The following MCM9 variants were observed in gnomAD, a reference collection of about 807,000 sequenced individuals.
MCM9 encodes the protein minichromosome maintenance 9 homologous recombination repair factor, also known as DNA helicase MCM9.
MCM9 carries 55 observed loss-of-function variants against 72.8 expected under a neutral mutation model. The observed-to-expected ratio is 0.76, with a 90% CI of 0.61 to 0.95. The LOEUF (loss-of-function observed/expected upper bound fraction) is 0.95. MCM9 is among the 40% of genes least tolerant of loss of function. MCM9 has a pLI of 0.00. For missense variants in MCM9, 1,279 were observed against 1,377.0 expected (o/e 0.93, Z 1.13); for synonymous variants, 480 against 503.4 (o/e 0.95, Z 0.62).
chr6:118,837,687 C>T (rs984270848), intron 9 of MCM9, among the ~76,000 whole-genome samples: 2 of 151,802 alleles, frequency 1.3e-5, no homozygotes, highest in African/African-American at 4.8e-5. Context: ...GTAACCCCTG[C>T]TTTTTTTTGC....
At chr6:118,884,238 A>G (rs1778462157) in intron 8 of MCM9, among the ~76,000 whole-genome samples, 1 of 152,210 alleles carries the variant, frequency 6.6e-6, no homozygotes, top group South Asian at 2.1e-4. Context: ...CAATAATTAT[A>G]CCAATGTATT....
intron 8 of MCM9, among the ~76,000 whole-genome samples, chr6:118,900,125 G>A (rs943167934): frequency 3.5e-4 from 53 of 152,308 alleles, no homozygotes; most frequent in African/African-American, 1.3e-3. Context: ...GTGGTGTAAA[G>A]ATCTTGGTTT....
intron 3 of MCM9, among the ~76,000 whole-genome samples, chr6:118,925,320 C>T (rs1475285633): frequency 6.6e-6 from 1 of 152,134 alleles, no homozygotes; most frequent in Non-Finnish European, 1.5e-5. Flanking sequence ...CTACTGAAGG[C>T]CCATCCATCA....
intron 5 of MCM9, chr6:118,918,133 G>C (rs1389387119): frequency 5.0e-6 from 1 of 199,632 alleles, no homozygotes; most frequent in East Asian, 1.3e-4. Context: ...CTCATTTAGA[G>C]AAGAGATGTG....
intron 8 of MCM9, among the ~76,000 whole-genome samples, chr6:118,906,045 T>C (rs191653059): frequency 7.9e-4 from 121 of 152,332 alleles, no homozygotes; most frequent in Middle Eastern, 3.4e-3. Context: ...GGCAGACACC[T>C]TGAGCATTTC....
intron 8 of MCM9, among the ~76,000 whole-genome samples, chr6:118,899,592 G>C (rs1268933617): frequency 6.6e-6 from 1 of 152,158 alleles, no homozygotes; most frequent in Non-Finnish European, 1.5e-5. Flanking sequence ...TTTAGTTCTA[G>C]GACAGAGCCA....
rs144849604 is a variant in MCM9, at chr6:118,923,919, C to A, written c.513G>T (p.Ser171=). 6.3e-5 allele frequency: 102 copies of A among 1,614,070 alleles called. No individual in the cohort carries two copies. The highest frequency in any genetic ancestry group is 7.8e-5 in the Non-Finnish European group (92 of 1,180,038). ...EQYYTFCRPS[S]CPSLESCDSS... Reference sequence around the variant, plus strand: ...AATCACAGCTCTCCAAGCTGGGACACGAGGATGGCCGGCAAAAGGTGTAAT... The same window carrying A: ...AATCACAGCTCTCCAAGCTGGGACAAGAGGATGGCCGGCAAAAGGTGTAAT... The change falls in exon 4 of 14, where the codon TCG becomes TCT. Residue 171 remains serine, a synonymous_variant. Transcript: ENST00000619706.
At position 118,900,932 on chromosome 6, in the gene MCM9, T is replaced by C. The variant is rs878895337; in HGVS notation, c.1150+10718A>G. The C allele has an allele frequency of 5.1e-5, 63 of 1,230,156 alleles. No individual in the cohort carries two copies. The East Asian group carries it at 7.9e-4, about 15-fold the overall frequency. The allele number at this position is 1,230,156 out of a possible 1,614,324, so 76.2% of individuals were successfully genotyped here. On this transcript the variant is annotated intron_variant, in intron 8 of 13. Transcript: ENST00000619706. ...ATGCCAAATATGTTTCGAAGTAGAC[T>C]ATATTATCTATTATCTTATAACCCT...
At chr6:118,831,577 A>T (rs1774566043) in intron 9 of MCM9, among the ~76,000 whole-genome samples, 1 of 151,942 alleles carries the variant, frequency 6.6e-6, no homozygotes, top group South Asian at 2.1e-4. Flanking sequence ...AGTGGGGAAG[A>T]CCATATGTAA....
intron 8 of MCM9, among the ~76,000 whole-genome samples, chr6:118,857,187 G>A (rs1264093380): frequency 6.6e-6 from 1 of 152,194 alleles, no homozygotes; most frequent in Non-Finnish European, 1.5e-5. Context: ...ATGACAGAGG[G>A]TGTGTACTAT....
intron 13 of MCM9, among the ~76,000 whole-genome samples, chr6:118,822,538 C>T (rs975837346): frequency 6.6e-6 from 1 of 152,190 alleles, no homozygotes; most frequent in African/African-American, 2.4e-5. Flanking sequence ...AGCTCTCCTA[C>T]ATGAAGTGTC....
chr6:118,888,552 C>T (rs1403265043), intron 8 of MCM9, among the ~76,000 whole-genome samples: 2 of 152,088 alleles, frequency 1.3e-5, no homozygotes, highest in Non-Finnish European at 2.9e-5. Flanking sequence ...CAATATCTTA[C>T]CCAGCAATTC....
Position 118,922,139 on chromosome 6 carries a change from T to C in MCM9, c.622-53A>G, listed in dbSNP as rs974698656. 6.6e-6 allele frequency: 9 copies of C among 1,361,766 alleles called. No homozygotes were observed. The East Asian group carries it at 9.5e-5, about 14-fold the overall frequency. 84.4% of individuals were successfully genotyped at this position (1,361,766 alleles called of 1,614,324 possible). ...AGTATGCTTAAATACATGTTAAGTA[T>C]CCAGAAGTCTAGCAGTACTTGAAAT... On this transcript the variant is annotated intron_variant, in intron 4 of 13. Transcript: ENST00000619706.
chr6:118,816,266 G>A lies in MCM9; in HGVS notation c.1990C>T (p.Gln664Ter), dbSNP rs1344572510. 6.5e-6 allele frequency: 10 copies of A among 1,547,614 alleles called. No homozygotes were observed. The highest frequency in any genetic ancestry group is 1.4e-5 in the African/African-American group (1 of 73,054). The change falls in exon 14 of 14, where the codon CAA becomes TAA. Residue 664 changes from glutamine (Q) to a stop codon, truncating the protein, a stop_gained. Transcript: ENST00000619706. LOFTEE classifies it low-confidence loss of function (END_TRUNC). ...GTCTCTACCTCCAATACCCGTGGTT[G>A]GGATTGGTGCACACTCTGATTCTGT... The part of the protein sequence containing the change: ...RLQNQSVHQS[Q>*]PRVLEVETTP...
chr6:118,928,725 G>T (rs1038114012), intron 3 of MCM9, among the ~76,000 whole-genome samples: 3 of 151,384 alleles, frequency 2.0e-5, no homozygotes, highest in African/African-American at 7.3e-5. Flanking sequence ...GGTGGCACAT[G>T]CCTGTAGTCC....
At chr6:118,823,289 G>C (rs775021361) in intron 13 of MCM9, among the ~76,000 whole-genome samples, 2 of 152,192 alleles carry the variant, frequency 1.3e-5, no homozygotes, top group African/African-American at 4.8e-5. Context: ...CATGGGAAAA[G>C]CGTAGTATCC....
chr6:118,831,465 A>G (rs1463387231), intron 9 of MCM9, among the ~76,000 whole-genome samples: 1 of 152,064 alleles, frequency 6.6e-6, no homozygotes, highest in Non-Finnish European at 1.5e-5. Context: ...GAGTGGGCAG[A>G]GGAAGAGGAG....
chr6:118,927,634 G>A (rs115347611), intron 3 of MCM9, among the ~76,000 whole-genome samples: 1,578 of 151,618 alleles, frequency 0.01, 30 homozygotes, highest in African/African-American at 0.036. Flanking sequence ...AAAAGAAAGA[G>A]AAGTCTTTAG....
intron 3 of MCM9, among the ~76,000 whole-genome samples, chr6:118,928,504 C>T (rs1481269595): frequency 6.6e-6 from 1 of 152,106 alleles, no homozygotes; most frequent in Non-Finnish European, 1.5e-5. Flanking sequence ...TAAGTTGTAA[C>T]CTCTCAGATT....
Sources: gnomAD v4.1 joint callset for allele counts (sites outside exome capture counted in the v4.1 genomes callset) on GRCh38, gnomAD v4.1.1 for gene constraint, MANE v1.5 for transcripts, NCBI Gene and HGNC (gene_info 2026-07-23, HGNC 2026-07-21) for gene names.